TTC28: variants seen among roughly 807,000 people sequenced by gnomAD.
TTC28 encodes the protein tetratricopeptide repeat domain 28, also known as tetratricopeptide repeat protein 28.
Under a neutral mutation model 198.0 loss-of-function variants are expected in TTC28, and 61 were observed. The observed-to-expected ratio is 0.31, with a 90% CI of 0.25 to 0.38. The LOEUF (loss-of-function observed/expected upper bound fraction) is 0.38, where lower values mean the gene tolerates loss of function less well. Among genes scored for constraint, TTC28 ranks in the 10% least tolerant of loss-of-function variants. TTC28 has a pLI of 1.00. For synonymous variants in TTC28, 1,171 were observed against 1,297.8 expected (o/e 0.90, Z 2.10); for missense variants, 2,678 against 3,164.0 (o/e 0.85, Z 3.69).
chr22:28,055,870 C>T (rs966581842), intron 12 of TTC28, among the ~76,000 whole-genome samples: 5 of 152,186 alleles, frequency 3.3e-5, no homozygotes, highest in African/African-American at 1.2e-4. Context: ...CTTTCCCCCA[C>T]TGGCCACCAT....
chr22:28,620,382 C>T (rs1360457707), intron 2 of TTC28, among the ~76,000 whole-genome samples: 2 of 151,866 alleles, frequency 1.3e-5, no homozygotes, highest in African/African-American at 4.8e-5. Flanking sequence ...AAACAATAGC[C>T]AACATCATAG....
At chr22:28,574,134 C>A (rs573732625) in intron 2 of TTC28, among the ~76,000 whole-genome samples, 74 of 152,262 alleles carry the variant, frequency 4.9e-4, no homozygotes, top group African/African-American at 1.8e-3. Flanking sequence ...CCATGTCAGC[C>A]TCCCAAGTAG....
At chr22:28,336,935 C>G (rs134494) in intron 2 of TTC28, among the ~76,000 whole-genome samples, 34,268 of 151,834 alleles carry the variant, frequency 0.23, 4,050 homozygotes, top group Non-Finnish European at 0.24. Context: ...TGATGTTAGG[C>G]TGTCAATTTT....
chr22:28,593,848 A>G (rs2146099209), intron 2 of TTC28, among the ~76,000 whole-genome samples: 1 of 152,292 alleles, frequency 6.6e-6, no homozygotes, highest in South Asian at 2.1e-4. Flanking sequence ...TACTAGTTCT[A>G]CGACATCTTA....
chr22:28,182,532 T>C (rs1601438815), intron 5 of TTC28, among the ~76,000 whole-genome samples: 1 of 152,152 alleles, frequency 6.6e-6, no homozygotes, highest in Non-Finnish European at 1.5e-5. Flanking sequence ...AATCTTTAAA[T>C]TGGGTGGAAA....
chr22:28,386,825 T>TTTTTG (rs199918327), intron 2 of TTC28, among the ~76,000 whole-genome samples: 2 of 152,220 alleles, frequency 1.3e-5, no homozygotes, highest in Non-Finnish European at 2.9e-5. Flanking sequence ...TTTTTTTGTT[T>TTTTTG]TTTTGTTTTG....
At chr22:28,331,615 T>C (rs950800229) in intron 2 of TTC28, among the ~76,000 whole-genome samples, 24 of 152,152 alleles carry the variant, frequency 1.6e-4, no homozygotes, top group African/African-American at 4.8e-4. Context: ...TCATCTTACT[T>C]GTACACCTCC....
At chr22:28,006,874 T>A (rs1158708303) in intron 14 of TTC28, 1 of 151,900 alleles carries the variant, frequency 6.6e-6, no homozygotes, top group East Asian at 1.9e-4. Flanking sequence ...TAATCTGGAG[T>A]TTAAGAAAGA....
chr22:28,034,051 T>G (rs930289258), intron 12 of TTC28, among the ~76,000 whole-genome samples: 10 of 152,056 alleles, frequency 6.6e-5, no homozygotes, highest in African/African-American at 2.2e-4. Flanking sequence ...GAATGAAATA[T>G]GAGAATGTGA....
intron 5 of TTC28, among the ~76,000 whole-genome samples, chr22:28,234,304 A>C (rs1329069837): frequency 6.6e-6 from 1 of 151,986 alleles, no homozygotes; most frequent in African/African-American, 2.4e-5. Context: ...GGCCTCCCAA[A>C]GTGCTAGGAT....
intron 12 of TTC28, among the ~76,000 whole-genome samples, chr22:28,037,645 A>T (rs569207591): frequency 6.6e-6 from 1 of 152,302 alleles, no homozygotes; most frequent in South Asian, 2.1e-4. Flanking sequence ...CCTATTCAAC[A>T]TAGTGTTGGA....
intron 1 of TTC28, among the ~76,000 whole-genome samples, chr22:28,652,064 T>G (rs961592600): frequency 3.9e-5 from 6 of 151,940 alleles, no homozygotes; most frequent in Non-Finnish European, 8.8e-5. Context: ...GGTCTCGAAC[T>G]CCTGACCTCA....
intron 2 of TTC28, among the ~76,000 whole-genome samples, chr22:28,356,191 C>G (rs1350615644): frequency 3.9e-5 from 6 of 152,218 alleles, no homozygotes; most frequent in Admixed American, 3.9e-4. Context: ...CTATCTTCTA[C>G]TCCAGCTACT....
chr22:28,140,934 A>AGAGGAGGAGGAGGAG (rs57274885), intron 6 of TTC28, among the ~76,000 whole-genome samples: 1 of 150,916 alleles, frequency 6.6e-6, no homozygotes, highest in Admixed American at 6.6e-5. Context: ...ATGCAAAGGA[A>AGAGGAGGAGGAGGAG]GAGGAGGAGG....
intron 2 of TTC28, among the ~76,000 whole-genome samples, chr22:28,603,357 T>C (rs929950408): frequency 3.3e-5 from 5 of 152,034 alleles, no homozygotes; most frequent in Non-Finnish European, 5.9e-5. Flanking sequence ...GAAAGTTATA[T>C]ACAGGTCAAT....
At chr22:28,286,003 ATT>A (rs72424697) in intron 5 of TTC28, among the ~76,000 whole-genome samples, 3 of 145,570 alleles carry the variant, frequency 2.1e-5, no homozygotes, top group Non-Finnish European at 3.0e-5. Context: ...AAGATTATTA[ATT>A]TTTTTTTTTT....
chr22:28,564,858 AT>A (rs999529376), intron 2 of TTC28, among the ~76,000 whole-genome samples: 1 of 147,592 alleles, frequency 6.8e-6, no homozygotes, highest in African/African-American at 2.5e-5. Context: ...TTTTATATAT[AT>A]TTTATATATA....
chr22:28,196,971 CAT>C (rs1925413429), intron 5 of TTC28, among the ~76,000 whole-genome samples: 2 of 152,050 alleles, frequency 1.3e-5, no homozygotes, highest in African/African-American at 2.4e-5. Context: ...CACATGCACA[CAT>C]ATGTTTATTG....
At chr22:28,000,383 G>C (rs1454406665) in intron 15 of TTC28, 1 of 152,350 alleles carries the variant, frequency 6.6e-6, no homozygotes, top group Non-Finnish European at 1.5e-5. Context: ...ACAGGGCCCA[G>C]CCTCGGGTCC....
Sources: allele counts gnomAD v4.1 joint callset (sites outside exome capture counted in the v4.1 genomes callset), GRCh38; gene constraint gnomAD v4.1.1; transcripts MANE v1.5; gene names NCBI Gene and HGNC (gene_info 2026-07-23, HGNC 2026-07-21).